PYGB: variants seen among roughly 807,000 people sequenced by gnomAD.
PYGB encodes the protein glycogen phosphorylase, brain form.
PYGB carries 82 observed loss-of-function variants against 94.3 expected under a neutral mutation model. The ratio of observed to expected loss-of-function variants is 0.87; its 90% CI spans 0.73 to 1.04. PYGB has a LOEUF of 1.04. Ranked by LOEUF, PYGB falls within the 50% of genes least tolerant of loss-of-function variation. The pLI is 0.00. For missense variants in PYGB, 1,132 were observed against 1,158.2 expected (o/e 0.98, Z 0.33); for synonymous variants, 488 against 479.1 (o/e 1.02, Z -0.24).
chr20:25,252,070 A>G (rs2092889616), intron 1 of PYGB, among the ~76,000 whole-genome samples: 3 of 152,290 alleles, frequency 2.0e-5, no homozygotes, highest in South Asian at 4.1e-4. Context: ...ATGTATTTCC[A>G]CTTTTATGTG....
chr20:25,283,343 C>A lies in PYGB; in HGVS notation c.1620+66C>A, dbSNP rs2088386790. On this transcript the variant is annotated intron_variant, in intron 13 of 19. Coordinates refer to ENST00000216962, the MANE Select transcript of PYGB (RefSeq NM_002862.4). Reference sequence around the variant, plus strand: ...CACAACCAGGCAGGTAGGCCCTGGCCCTAGCCCTCCTACAGGCCCAGCACA... The same window carrying A: ...CACAACCAGGCAGGTAGGCCCTGGCACTAGCCCTCCTACAGGCCCAGCACA... 3 of 1,401,874 alleles carry A rather than the reference C, an allele frequency of 2.1e-6. No homozygotes were observed. In the Admixed American group the frequency reaches 5.4e-5, roughly 25 times the overall value. 86.8% of individuals were successfully genotyped at this position (1,401,874 alleles called of 1,614,324 possible). A position where few individuals can be genotyped will look rare whatever the true frequency, so the allele number is the denominator to read the frequency against.
chr20:25,290,963 T>C (rs887889359), intron 16 of PYGB, among the ~76,000 whole-genome samples: 3 of 150,754 alleles, frequency 2.0e-5, no homozygotes, highest in Non-Finnish European at 4.4e-5. Context: ...GCCCCTCTGC[T>C]GGCAGGACCT....
intron 1 of PYGB, among the ~76,000 whole-genome samples, chr20:25,258,973 A>T (rs1191460949): frequency 6.6e-6 from 1 of 152,206 alleles, no homozygotes; most frequent in Non-Finnish European, 1.5e-5. Context: ...CTCCCCACAC[A>T]TCATGGAAAG....
chr20:25,287,656 A>C (rs2088429251), intron 14 of PYGB, among the ~76,000 whole-genome samples: 1 of 150,988 alleles, frequency 6.6e-6, no homozygotes, highest in Non-Finnish European at 1.5e-5. Flanking sequence ...ACTCTTAAAA[A>C]CAAAAACAAA....
chr20:25,278,235 C>T, intron 7 of PYGB, 84 bp from the exon 8 acceptor site: 1 of 1,496,618 alleles, frequency 6.7e-7, no homozygotes, highest in Admixed American at 2.0e-5. Flanking sequence ...CTGCCTGCAC[C>T]TTTGAGCCAG....
intron 1 of PYGB, among the ~76,000 whole-genome samples, chr20:25,248,953 A>T (rs6037068): frequency 0.065 from 9,899 of 152,238 alleles, 1,002 homozygotes; most frequent in African/African-American, 0.22. Context: ...TCACGCAGGG[A>T]GGGGTACGAA....
intron 1 of PYGB, among the ~76,000 whole-genome samples, chr20:25,258,146 T>C (rs1258246908): frequency 1.3e-5 from 2 of 152,322 alleles, no homozygotes; most frequent in African/African-American, 2.4e-5. Flanking sequence ...TTTGTGTGTG[T>C]GTGTTCTTTC....
rs538786876 is a variant in PYGB, at chr20:25,294,739, G to A, written c.2312+447G>A. ...GGTGAAAATGGATTTCACTTGCAAC[G>A]ATGTGACATTATAATGTAGTTAGTG... On this transcript the variant is annotated intron_variant, in intron 18 of 19. Transcript: ENST00000216962. 23 of 628,834 alleles carry A rather than the reference G, an allele frequency of 3.7e-5. No homozygotes were observed. In the East Asian group the frequency reaches 5.0e-4, roughly 14 times the overall value. 39.0% of individuals were successfully genotyped at this position (628,834 alleles called of 1,614,324 possible). A position where few individuals can be genotyped will look rare whatever the true frequency, so the allele number is the denominator to read the frequency against.
At chr20:25,253,409 T>C (rs984657010) in intron 1 of PYGB, among the ~76,000 whole-genome samples, 3 of 151,894 alleles carry the variant, frequency 2.0e-5, no homozygotes, top group African/African-American at 7.3e-5. Context: ...CCCAGCACTT[T>C]GGGAGGCTGA....
At chr20:25,284,433 A>G (rs560972367) in intron 14 of PYGB, among the ~76,000 whole-genome samples, 182 bp downstream of exon 14, 1 of 152,314 alleles carries the variant, frequency 6.6e-6, no homozygotes, top group East Asian at 1.9e-4. Context: ...GCCCCATGCC[A>G]GGCCTCACGT....
In PYGB at chr20:25,249,059, A is replaced by G. The variant is rs141410426; in HGVS notation, c.243+638A>G. Among the ~76,000 whole-genome samples the G allele has an allele frequency of 5.3e-3, 808 of 152,306 alleles. 8 individuals carry two copies. Among genetic ancestry groups the G allele is most frequent in the African/African-American group, 0.018 (734 of 41,564 alleles). On this transcript the variant is annotated intron_variant, in intron 1 of 19. Coordinates refer to ENST00000216962, the MANE Select transcript of PYGB (RefSeq NM_002862.4). ...TTTGCTTGGGTTGAAGTTGACAGAG[A>G]TCATCTTACTAATTGTTACTTTTTA... is the stretch of plus-strand genomic sequence containing the variant.
intron 18 of PYGB, chr20:25,295,133 G>T: frequency 7.9e-7 from 1 of 1,272,372 alleles, no homozygotes; most frequent in Non-Finnish European, 1.1e-6. Context: ...TCATAAATCT[G>T]GCATTTTTGT....
At chr20:25,283,862 G>A (rs1450412243) in intron 13 of PYGB, among the ~76,000 whole-genome samples, 4 of 152,198 alleles carry the variant, frequency 2.6e-5, no homozygotes, top group East Asian at 3.9e-4. Flanking sequence ...GGCTCCAGGC[G>A]TGCTCCTGGG....
At chr20:25,273,415 C>G (rs1261385483) in intron 4 of PYGB, among the ~76,000 whole-genome samples, 1 of 152,178 alleles carries the variant, frequency 6.6e-6, no homozygotes, top group African/African-American at 2.4e-5. Flanking sequence ...GACAGTCTTG[C>G]TCGTGACTCT....
chr20:25,256,495 CA>C (rs1240050396), intron 1 of PYGB, among the ~76,000 whole-genome samples: 34 of 120,102 alleles, frequency 2.8e-4, no homozygotes, highest in Non-Finnish European at 3.2e-4. Flanking sequence ...AACTCTGTCT[CA>C]AAAAAAAAAA....
In PYGB at chr20:25,279,056, G is replaced by C. The variant is rs756637029; in HGVS notation, c.1000-1G>C. On this transcript the variant is annotated splice_acceptor_variant, in intron 8 of 19. Coordinates refer to ENST00000216962, the MANE Select transcript of PYGB (RefSeq NM_002862.4). LOFTEE classifies it high-confidence loss of function. ...AATGGCACCCCTTGTGCGACCTTCA[G>C]GTGGCCATCCAGCTGAACGACACCC... is the stretch of plus-strand genomic sequence containing the variant. 3.7e-6 allele frequency: 6 copies of C among 1,611,128 alleles called. No individual in the cohort carries two copies. The African/African-American group carries it at 6.7e-5, about 18-fold the overall frequency.
intron 17 of PYGB, among the ~76,000 whole-genome samples, chr20:25,293,314 C>T (rs1600744333): frequency 6.6e-6 from 1 of 152,102 alleles, no homozygotes. Flanking sequence ...GGTTCTGTTA[C>T]TGTCTTTCCC....
intron 12 of PYGB, among the ~76,000 whole-genome samples, chr20:25,282,582 C>G (rs1490012330): frequency 6.6e-6 from 1 of 152,244 alleles, no homozygotes; most frequent in Non-Finnish European, 1.5e-5. Context: ...CCACCTGGGG[C>G]TATGGTCAGG....
At chr20:25,278,535 A>C in intron 8 of PYGB, 73 bp downstream of exon 8, 66 of 1,569,948 alleles carry the variant, frequency 4.2e-5, no homozygotes, top group East Asian at 9.0e-5. Context: ...TTGCTTTCTC[A>C]TGTCCCAAAA....
Sources: gnomAD v4.1 joint callset for allele counts (sites outside exome capture counted in the v4.1 genomes callset) on GRCh38, gnomAD v4.1.1 for gene constraint, MANE v1.5 for transcripts, NCBI Gene and HGNC (gene_info 2026-07-23, HGNC 2026-07-21) for gene names.